The following MYL3 variants were observed in gnomAD, a reference collection of about 807,000 sequenced individuals.
The protein encoded by MYL3 is myosin light chain 3.
In MYL3, 11 loss-of-function variants were observed where a neutral mutation model predicts 21.3. The ratio of observed to expected loss-of-function variants is 0.52; its 90% CI spans 0.32 to 0.85. The LOEUF is 0.85. Among genes scored for constraint, MYL3 ranks in the 40% least tolerant of loss-of-function variants. The pLI, the probability that MYL3 is intolerant of heterozygous loss-of-function variation, is 0.03. For missense variants in MYL3, 206 were observed against 253.3 expected (o/e 0.81, Z 1.27); for synonymous variants, 88 against 91.6 (o/e 0.96, Z 0.22).
In MYL3 at chr3:46,861,013, A is replaced by G; in HGVS notation, c.130-26T>C. ...CTGAAAAGAGACCCCAAAGACTCAGATGCCCGGCTTAAAAGGTGGGGCCAC... is the reference window on the plus strand; with the variant it reads ...CTGAAAAGAGACCCCAAAGACTCAGGTGCCCGGCTTAAAAGGTGGGGCCAC... On this transcript the variant is annotated intron_variant, in intron 1 of 6. Transcript: ENST00000292327. The surrounding 1 kb of genome is among the most constrained non-coding windows in gnomAD (Gnocchi z 4.2). 1 of 1,613,878 alleles carries G rather than the reference A, an allele frequency of 6.2e-7. No homozygotes were observed.
rs891329779 is a variant in MYL3 at position 46,860,443 on chromosome 3, G to A, written c.307+233C>T. ...CCGACCTTCTCACTTCTCCATAGGT[G>A]TCAGCGCCTACCACCAGGGGGCCTG... On this transcript the variant is annotated intron_variant, in intron 3 of 6. Coordinates refer to ENST00000292327, the MANE Select transcript of MYL3 (RefSeq NM_000258.3). This position sits in a 1 kb window ranked among gnomAD's most constrained non-coding sequence, Gnocchi z 4.6. Among the ~76,000 whole-genome samples the A allele has an allele frequency of 2.0e-5, 3 of 152,192 alleles. No homozygotes were observed. Among genetic ancestry groups the A allele is most frequent in the Admixed American group, 6.5e-5 (1 of 15,292 alleles).
chr3:46,877,313 C>A (rs1034097244), intron 1 of MYL3, among the ~76,000 whole-genome samples: 1 of 152,188 alleles, frequency 6.6e-6, no homozygotes, highest in Non-Finnish European at 1.5e-5. Flanking sequence ...TCCAGCCCCC[C>A]TCTGATTTCT....
chr3:46,879,297 T>A lies in MYL3; in HGVS notation c.-218+2777A>T, dbSNP rs758340449. Among the ~76,000 whole-genome samples the A allele has an allele frequency of 5.3e-5, 8 of 152,190 alleles. No individual in the cohort carries two copies. The highest frequency in any genetic ancestry group is 1.2e-4 in the Non-Finnish European group (8 of 68,026). ...TTTCCAAATCTCAAGTTTTCCCTGG[T>A]GTCAGATCTGAAAAGAACTCCTCCC... On this transcript the variant is annotated intron_variant, in intron 1 of 3. Coordinates refer to the MYL3 transcript ENST00000431168. This position sits in a 1 kb window ranked among gnomAD's most constrained non-coding sequence, Gnocchi z 4.7.
At chr3:46,865,576 T>C (rs930331433), upstream of MYL3, among the ~76,000 whole-genome samples, 1 of 152,152 alleles carries the variant, frequency 6.6e-6, no homozygotes, top group Non-Finnish European at 1.5e-5. The surrounding 1 kb of genome is among the most constrained non-coding windows in gnomAD (Gnocchi z 4.3). Context: ...TACAGGGCCC[T>C]CTCTCCCATC....
chr3:46,858,559 C>G, intron 4 of MYL3, 98 bp from the exon 5 acceptor site: 1 of 1,142,398 alleles, frequency 8.8e-7, no homozygotes, highest in Non-Finnish European at 1.3e-6. Flanking sequence ...TCAACCTCTC[C>G]AGTATTCCCA....
chr3:46,865,989 A>G (rs1347509023), upstream of MYL3, among the ~76,000 whole-genome samples: 3 of 151,736 alleles, frequency 2.0e-5, no homozygotes, highest in Non-Finnish European at 2.9e-5. The surrounding 1 kb of genome is among the most constrained non-coding windows in gnomAD (Gnocchi z 4.3). Flanking sequence ...CCTCAAACCT[A>G]TAACAACTGC....
upstream of MYL3, among the ~76,000 whole-genome samples, chr3:46,866,191 T>A (rs1046979555): frequency 6.6e-6 from 1 of 152,286 alleles, no homozygotes; most frequent in Admixed American, 6.5e-5. Flanking sequence ...CTCTCCCACA[T>A]CCCAACCTGA....
Position 46,874,224 on chromosome 3 carries a change from T to C in MYL3, c.-217-7624A>G, listed in dbSNP as rs2030066459. Among the ~76,000 whole-genome samples, 1 of 152,188 alleles carries C rather than the reference T, an allele frequency of 6.6e-6. No homozygotes were observed. Among genetic ancestry groups the C allele is most frequent in the Non-Finnish European group, 1.5e-5 (1 of 68,034 alleles). On this transcript the variant is annotated intron_variant, in intron 1 of 3. Coordinates refer to the MYL3 transcript ENST00000431168. This position sits in a 1 kb window ranked among gnomAD's most constrained non-coding sequence, Gnocchi z 4.1. ...CACGGTGCCTCTGGGCCAGGCTTGG[T>C]GCAGCCTGCAGGATGGCCAGGCAGA...
intron 1 of MYL3, among the ~76,000 whole-genome samples, chr3:46,871,655 G>A (rs747513602): frequency 6.6e-6 from 1 of 152,124 alleles, no homozygotes; most frequent in Non-Finnish European, 1.5e-5. Flanking sequence ...GGGTACCCAG[G>A]AATGTGTAAT....
In MYL3 at chr3:46,859,473, AC is replaced by A; in HGVS notation, c.481+1del. The A allele has an allele frequency of 6.2e-7, 1 of 1,614,066 alleles. No homozygotes were observed. Among genetic ancestry groups the A allele is most frequent in the Non-Finnish European group, 8.5e-7 (1 of 1,179,990 alleles). ...TGGGGTAGGGGAGGAGGCTGCCCTC[AC>A]CCAGCGTGGCCAGCACGTGGCGAAG... is the stretch of plus-strand genomic sequence containing the variant. On this transcript the variant is annotated splice_donor_variant, in intron 4 of 6. Coordinates refer to ENST00000292327, the MANE Select transcript of MYL3 (RefSeq NM_000258.3). LOFTEE classifies it high-confidence loss of function. The surrounding 1 kb of genome is among the most constrained non-coding windows in gnomAD (Gnocchi z 4.1).
chr3:46,859,713 C>T lies in MYL3; in HGVS notation c.308-65G>A. On this transcript the variant is annotated intron_variant, in intron 3 of 6. Transcript: ENST00000292327. The surrounding 1 kb of genome is among the most constrained non-coding windows in gnomAD (Gnocchi z 4.1). ...GGGTGGGCACACCCCTCCCCCATGCCTGATAATGAGGAGCTATCCCCACCT... is the reference window on the plus strand; with the variant it reads ...GGGTGGGCACACCCCTCCCCCATGCTTGATAATGAGGAGCTATCCCCACCT... 2 of 1,573,436 alleles carry T rather than the reference C, an allele frequency of 1.3e-6. No homozygotes were observed. Among genetic ancestry groups the T allele is most frequent in the Non-Finnish European group, 1.7e-6 (2 of 1,143,516 alleles).
upstream of MYL3, among the ~76,000 whole-genome samples, chr3:46,868,267 C>T (rs77700846): frequency 0.016 from 2,475 of 152,336 alleles, 33 homozygotes; most frequent in Admixed American, 0.028. Flanking sequence ...GCCTCAGTTT[C>T]CCCACCTGTA....
upstream of MYL3, among the ~76,000 whole-genome samples, chr3:46,865,103 C>A (rs7633581): frequency 6.6e-6 from 1 of 151,962 alleles, no homozygotes; most frequent in Non-Finnish European, 1.5e-5. This position sits in a 1 kb window ranked among gnomAD's most constrained non-coding sequence, Gnocchi z 4.3. Context: ...CTACCTGGCA[C>A]GCCCTGCTGT....
Position 46,871,949 on chromosome 3 carries a change from G to A in MYL3, c.-217-5349C>T, listed in dbSNP as rs376026340. Among the ~76,000 whole-genome samples the A allele has an allele frequency of 8.7e-4, 133 of 152,326 alleles. 3 individuals are homozygous for A. The South Asian group carries it at 0.027, about 30-fold the overall frequency. On this transcript the variant is annotated intron_variant, in intron 1 of 3. Transcript: ENST00000431168. ...GATGAGGGTACAGGTCCTGGGATTGGGGTTGGGTTGGCTGGGGAGAGAGAA... is the reference window on the plus strand; with the variant it reads ...GATGAGGGTACAGGTCCTGGGATTGAGGTTGGGTTGGCTGGGGAGAGAGAA...
In MYL3 at chr3:46,859,495, C is replaced by A. The variant is rs104893749; in HGVS notation, c.461G>T (p.Arg154Leu). 6.2e-7 allele frequency: 1 copy of A among 1,614,192 alleles called. No homozygotes were observed. The change falls in exon 4 of 7, where the codon CGC becomes CTC. Residue 154 changes from arginine to leucine, a missense_variant. Physicochemically the swap from Arg to Leu is moderately radical, Grantham distance 102. Coordinates refer to ENST00000292327, the MANE Select transcript of MYL3 (RefSeq NM_000258.3). This position sits in a 1 kb window ranked among gnomAD's most constrained non-coding sequence, Gnocchi z 4.1. ...GNGTVMGAEL[R>L]HVLATLGERL... is the part of the protein sequence containing the mutation. Reference sequence around the variant, plus strand: ...CTCACCCAGCGTGGCCAGCACGTGGCGAAGCTCAGCACCCATGACAGTGCC... The same window carrying A: ...CTCACCCAGCGTGGCCAGCACGTGGAGAAGCTCAGCACCCATGACAGTGCC...
At chr3:46,858,160 C>T (rs1425598957) in intron 6 of MYL3, 59 bp from the exon 7 acceptor site, 1 of 1,531,908 alleles carries the variant, frequency 6.5e-7, no homozygotes, top group African/African-American at 1.4e-5. Flanking sequence ...AGCAGGATGT[C>T]AAGTGAGCAC....
At chr3:46,865,786 T>A (rs1390591933), upstream of MYL3, among the ~76,000 whole-genome samples, 1 of 152,056 alleles carries the variant, frequency 6.6e-6, no homozygotes, top group Non-Finnish European at 1.5e-5. This position sits in a 1 kb window ranked among gnomAD's most constrained non-coding sequence, Gnocchi z 4.3. Context: ...AGGCAGTGGC[T>A]TGGGCCCCTC....
chr3:46,881,718 G>T (rs933770998), intron 1 of MYL3, among the ~76,000 whole-genome samples: 14 of 152,042 alleles, frequency 9.2e-5, no homozygotes, highest in Admixed American at 8.5e-4. Context: ...ACGAGGCGAG[G>T]GTGGGGCTGG....
chr3:46,867,908 A>G (rs1702063620), upstream of MYL3, among the ~76,000 whole-genome samples: 1 of 152,248 alleles, frequency 6.6e-6, no homozygotes. Flanking sequence ...ACACCCATGA[A>G]CACAGACCCC....
Sources: allele counts gnomAD v4.1 joint callset (sites outside exome capture counted in the v4.1 genomes callset), GRCh38; gene constraint gnomAD v4.1.1; non-coding constraint Gnocchi (gnomAD v3.1); transcripts MANE v1.5; gene names NCBI Gene and HGNC (gene_info 2026-07-23, HGNC 2026-07-21).